The following CLOCK variants were observed in gnomAD, a reference collection of about 807,000 sequenced individuals.
CLOCK encodes the protein circadian locomoter output cycles protein kaput.
CLOCK carries 43 observed loss-of-function variants against 118.4 expected under a neutral mutation model. That is an observed-to-expected ratio of 0.36 (90% CI 0.28 to 0.47). CLOCK has a LOEUF of 0.47. Ranked by LOEUF, CLOCK falls within the 20% of genes least tolerant of loss-of-function variation. The pLI, the probability that CLOCK is intolerant of heterozygous loss-of-function variation, is 1.00. For missense variants in CLOCK, 846 were observed against 999.9 expected (o/e 0.85, Z 2.08); for synonymous variants, 326 against 339.2 (o/e 0.96, Z 0.43).
intron 7 of CLOCK, among the ~76,000 whole-genome samples, chr4:55,473,499 CAATT>C (rs1318280572): frequency 6.6e-6 from 1 of 152,274 alleles, no homozygotes; most frequent in East Asian, 1.9e-4. Context: ...ATTAATCACA[CAATT>C]AATTGTCCCA....
In CLOCK at chr4:55,475,374, G is replaced by C. The variant is rs376290263; in HGVS notation, c.348+589C>G. On this transcript the variant is annotated intron_variant, in intron 7 of 22. Coordinates refer to ENST00000513440, the MANE Select transcript of CLOCK (RefSeq NM_004898.4). ...TCTTGAGATCGACTCTACTCCTGAA[G>C]AAGATGTGAATACTGTTGACATGAC... Among the ~76,000 whole-genome samples, 8 of 152,326 alleles carry C rather than the reference G, an allele frequency of 5.3e-5. No individual in the cohort carries two copies. The South Asian group carries it at 8.3e-4, about 16-fold the overall frequency.
Position 55,456,012 on chromosome 4 carries a change from C to T in CLOCK, c.876-9G>A. The stretch of plus-strand genomic sequence containing the variant: ...CTATTATGGGTGGTGCCCTAAATTA[C>T]ACAGAAAACAATCATTATTATAAGT... On this transcript the variant is annotated splice_polypyrimidine_tract_variant and intron_variant, in intron 12 of 22. Coordinates refer to ENST00000513440, the MANE Select transcript of CLOCK (RefSeq NM_004898.4). 6.3e-7 allele frequency: 1 copy of T among 1,594,612 alleles called. No homozygotes were observed. Among genetic ancestry groups the T allele is most frequent in the Non-Finnish European group, 8.6e-7 (1 of 1,163,796 alleles).
intron 20 of CLOCK, among the ~76,000 whole-genome samples, chr4:55,443,252 A>C (rs1723517549): frequency 6.6e-6 from 1 of 152,100 alleles, no homozygotes; most frequent in African/African-American, 2.4e-5. Flanking sequence ...GAGGTGGGCG[A>C]TCACCTGAGG....
chr4:55,532,789 G>A (rs1730636763), intron 1 of CLOCK, among the ~76,000 whole-genome samples: 1 of 152,040 alleles, frequency 6.6e-6, no homozygotes, highest in Non-Finnish European at 1.5e-5. Context: ...CAAGGTCACA[G>A]TGAGCCATGA....
chr4:55,448,950 T>TTCTG, intron 17 of CLOCK, 82 bp from the exon 18 acceptor site: 1 of 1,092,290 alleles, frequency 9.2e-7, no homozygotes, highest in Non-Finnish European at 1.4e-6. Context: ...AATATGATAT[T>TTCTG]CGTATTAATA....
chr4:55,486,922 A>G (rs1266532327), intron 3 of CLOCK, among the ~76,000 whole-genome samples: 1 of 151,972 alleles, frequency 6.6e-6, no homozygotes, highest in African/African-American at 2.4e-5. Flanking sequence ...GTTGTTCTCT[A>G]TTCTTTGTTT....
intron 4 of CLOCK, among the ~76,000 whole-genome samples, chr4:55,480,890 C>CA (rs60541884): frequency 0.55 from 78,959 of 143,842 alleles, 21,858 homozygotes; most frequent in African/African-American, 0.64. Context: ...GACTCTGTCT[C>CA]AAAAAAAAAA....
intron 2 of CLOCK, among the ~76,000 whole-genome samples, chr4:55,490,475 A>C (rs1727594789): frequency 1.3e-5 from 2 of 152,286 alleles, no homozygotes; most frequent in South Asian, 2.1e-4. Flanking sequence ...GAAATCAAGA[A>C]GGAAAGCATA....
At chr4:55,510,635 A>T (rs1191977204) in intron 1 of CLOCK, among the ~76,000 whole-genome samples, 1 of 149,332 alleles carries the variant, frequency 6.7e-6, no homozygotes, top group African/African-American at 2.5e-5. Flanking sequence ...TTTTTAAAAA[A>T]AAAAAAAAAA....
intron 1 of CLOCK, among the ~76,000 whole-genome samples, chr4:55,541,642 T>C (rs1482782062): frequency 1.3e-5 from 2 of 152,196 alleles, no homozygotes; most frequent in Non-Finnish European, 1.5e-5. Context: ...CTTTTAATAT[T>C]AACACTGGCT....
At chr4:55,535,570 A>G (rs1395485137) in intron 1 of CLOCK, among the ~76,000 whole-genome samples, 3 of 152,106 alleles carry the variant, frequency 2.0e-5, no homozygotes, top group African/African-American at 7.2e-5. Context: ...AATAATAATA[A>G]TAGGAAATTG....
intron 18 of CLOCK, among the ~76,000 whole-genome samples, chr4:55,446,237 G>C (rs1348371909): frequency 6.6e-6 from 1 of 151,622 alleles, no homozygotes; most frequent in Non-Finnish European, 1.5e-5. Context: ...GGGACTACAG[G>C]CATATGCCAC....
chr4:55,478,866 C>G lies in CLOCK; in HGVS notation c.205G>C (p.Asp69His). ...SMLPGNARKM[D>H]KSTVLQKSID... is the part of the protein sequence containing the mutation. ...CTTTTCTGCAGAACAGTAGATTTGT[C>G]CATCTTTCTAGCATTACCAGGAAGC... The change falls in exon 6 of 23, where the codon GAC (aspartate) becomes CAC (histidine). Residue 69 changes from aspartate (D) to histidine (H), a missense_variant. Asp to His is a moderately conservative substitution (Grantham distance 81). Coordinates refer to ENST00000513440, the MANE Select transcript of CLOCK (RefSeq NM_004898.4). The G allele has an allele frequency of 6.2e-7, 1 of 1,612,772 alleles. No individual in the cohort carries two copies. Among genetic ancestry groups the G allele is most frequent in the Non-Finnish European group, 8.5e-7 (1 of 1,179,272 alleles).
chr4:55,475,914 T>C (rs377411576), intron 7 of CLOCK, 49 bp downstream of exon 7: 36 of 1,342,024 alleles, frequency 2.7e-5, no homozygotes, highest in Non-Finnish European at 3.2e-5. Context: ...CACCCTGTGA[T>C]TTCTTTTTTG....
At chr4:55,524,816 A>T (rs536714354) in intron 1 of CLOCK, among the ~76,000 whole-genome samples, 1 of 152,326 alleles carries the variant, frequency 6.6e-6, no homozygotes, top group African/African-American at 2.4e-5. Flanking sequence ...AGCAGAAATG[A>T]AAATTTCTAA....
In CLOCK at chr4:55,440,097, CAT is replaced by C. The variant is rs1223752982; in HGVS notation, c.2106-1562_2106-1561del. On this transcript the variant is annotated intron_variant, in intron 21 of 22. Coordinates refer to ENST00000513440, the MANE Select transcript of CLOCK (RefSeq NM_004898.4). Reference sequence around the variant, plus strand: ...CTAGGGGTGTCAGATATATGTGGCACATGATTCATCTGCTACACTGGCACACA... The same window carrying C: ...CTAGGGGTGTCAGATATATGTGGCACGATTCATCTGCTACACTGGCACACA... 7.9e-5 allele frequency among the ~76,000 whole-genome samples: 12 copies of C among 152,082 alleles called. No individual in the cohort carries two copies. In the East Asian group the frequency reaches 1.7e-3, roughly 22 times the overall value.
rs1229394146 is a variant in CLOCK at position 55,470,802 on chromosome 4, A to C, written c.353T>G (p.Leu118Arg). 6.2e-7 allele frequency: 1 copy of C among 1,606,784 alleles called. No homozygotes were observed. The highest frequency in any genetic ancestry group is 1.3e-5 in the African/African-American group (1 of 74,900). ...CATGATTGCTAAAAAAAAACCATCA[A>C]GAGCCTGAAATTAAACATAATGATA... ...EEFTQLMLEA[L>R]DGFFLAIMTD... Residue 118 changes from leucine (L) to arginine (R), a missense_variant, in exon 8 of 23, where the codon CTT becomes CGT. By Grantham distance (102) the Leu-to-Arg change is moderately radical. This residue lies in a region of CLOCK where 246 missense variants were observed against 300.2 expected (regional missense o/e 0.82). Transcript: ENST00000513440.
At chr4:55,487,858 T>C (rs540095773) in intron 3 of CLOCK, among the ~76,000 whole-genome samples, 1 of 152,336 alleles carries the variant, frequency 6.6e-6, no homozygotes, top group African/African-American at 2.4e-5. Flanking sequence ...ATGCTCCCTT[T>C]TGCAGTCCCA....
chr4:55,471,227 T>A (rs922032175), intron 7 of CLOCK, among the ~76,000 whole-genome samples: 3 of 152,196 alleles, frequency 2.0e-5, no homozygotes, highest in Non-Finnish European at 4.4e-5. Context: ...GAGGTGTACA[T>A]CTGAAGTTTA....
Sources: gnomAD v4.1 joint callset for allele counts (sites outside exome capture counted in the v4.1 genomes callset) on GRCh38, gnomAD v4.1.1 for gene constraint, gnomAD v4.1.1 regional missense constraint, MANE v1.5 for transcripts, NCBI Gene and HGNC (gene_info 2026-07-23, HGNC 2026-07-21) for gene names.